The following MBNL3 variants were observed in gnomAD, a reference collection of about 807,000 sequenced individuals.
MBNL3 encodes the protein muscleblind like splicing regulator 3, also known as muscleblind-like protein 3.
MBNL3 carries 6 observed loss-of-function variants against 24.5 expected under a neutral mutation model. That is an observed-to-expected ratio of 0.25 (90% CI 0.13 to 0.48). MBNL3 has a LOEUF of 0.48. Among genes scored for constraint, MBNL3 ranks in the 20% least tolerant of loss-of-function variants. The pLI is 0.99. For synonymous variants in MBNL3, 100 were observed against 101.7 expected, an observed-to-expected ratio of 0.98 and a Z score of 0.10; for missense variants, 230 against 293.5, an observed-to-expected ratio of 0.78 and a Z score of 1.58.
intron 1 of MBNL3, among the ~76,000 whole-genome samples, chrX:132,445,949 C>G (rs1945690132): frequency 9.0e-6 from 1 of 111,113 alleles, no homozygotes; most frequent in Admixed American, 9.5e-5. Context: ...TCCCTTAGCT[C>G]CCCACCCTCC....
At chrX:132,432,046 C>A (rs980585047) in intron 2 of MBNL3, 4 of 111,418 alleles carry the variant, frequency 3.6e-5, no homozygotes, top group Non-Finnish European at 5.7e-5. Flanking sequence ...TTATTAGTGT[C>A]AGCATGACAT....
intron 3 of MBNL3, among the ~76,000 whole-genome samples, chrX:132,399,047 T>A (rs1263581262): frequency 3.6e-5 from 4 of 111,720 alleles, no homozygotes; most frequent in Non-Finnish European, 7.5e-5. Context: ...CTCATTTAAA[T>A]ACCTGTCACA....
intron 1 of MBNL3, among the ~76,000 whole-genome samples, chrX:132,474,647 A>G (rs1404520602): frequency 8.9e-6 from 1 of 111,939 alleles, no homozygotes. Flanking sequence ...GCAGCCACTC[A>G]GAACATATTC....
chrX:132,484,933 G>GCA (rs3044539), intron 1 of MBNL3, among the ~76,000 whole-genome samples: 10,020 of 102,511 alleles, frequency 0.098, 906 homozygotes, highest in African/African-American at 0.27. Context: ...ATACACACGC[G>GCA]CACACACACA....
intron 3 of MBNL3, among the ~76,000 whole-genome samples, chrX:132,405,367 C>T (rs1332042176): frequency 9.0e-6 from 1 of 111,041 alleles, no homozygotes; most frequent in Non-Finnish European, 1.9e-5. Context: ...AGAAAGATTA[C>T]ATTAATAGAA....
intron 1 of MBNL3, among the ~76,000 whole-genome samples, chrX:132,447,052 T>C (rs761797945): frequency 2.7e-4 from 30 of 111,570 alleles, no homozygotes; most frequent in Non-Finnish European, 3.8e-5. Flanking sequence ...AAAGATCAGA[T>C]GTTTGTAGAT....
chrX:132,467,702 G>A (rs1378873917), intron 1 of MBNL3, among the ~76,000 whole-genome samples: 1 of 111,911 alleles, frequency 8.9e-6, no homozygotes, highest in East Asian at 2.8e-4. Flanking sequence ...GTCGCACATA[G>A]TATAGCATCT....
chrX:132,401,736 T>C (rs371236885), intron 3 of MBNL3, among the ~76,000 whole-genome samples: 1 of 111,543 alleles, frequency 9.0e-6, no homozygotes, highest in South Asian at 3.8e-4. Context: ...TGTAGCCCTT[T>C]AGTAAAAGAG....
rs1486076727 is a variant in MBNL3 at position 132,374,319 on chromosome X, T to G, written c.*5347A>C. 9.0e-6 allele frequency: 1 copy of G among 110,676 alleles called. No individual in the cohort carries two copies. The highest frequency in any genetic ancestry group is 1.9e-5 in the Non-Finnish European group (1 of 52,736). 9.1% of individuals were successfully genotyped at this position (110,676 alleles called of 1,213,427 possible). A position where few individuals can be genotyped will look rare whatever the true frequency, so the allele number is the denominator to read the frequency against. ...GTGTGTGTGTGTGTGCACACGTGTG[T>G]GTGTGTTTATAGGGGGGATTAATTT... On this transcript the variant is annotated 3_prime_UTR_variant, in exon 9 of 9. Coordinates refer to ENST00000370853, the MANE Select transcript of MBNL3 (RefSeq NM_001386889.1).
chrX:132,405,580 C>A (rs192356414), intron 3 of MBNL3, among the ~76,000 whole-genome samples: 2,802 of 111,180 alleles, frequency 0.025, 68 homozygotes, highest in African/African-American at 0.086. Context: ...CAAAATAAAA[C>A]GTTTATTTAA....
rs753699881 is a variant in MBNL3, at chrX:132,370,493, C to T, written c.*9173G>A. On this transcript the variant is annotated 3_prime_UTR_variant, in exon 9 of 9. Transcript: ENST00000370853. ...GGAATTCCATCTCTGCACCTAAACA[C>T]TGAGATTCAATGCCTAGAAGTTTGC... 1 of 112,156 alleles carries T rather than the reference C, an allele frequency of 8.9e-6. No individual in the cohort carries two copies. The highest frequency in any genetic ancestry group is 3.2e-5 in the African/African-American group (1 of 30,922). The allele number at this position is 112,156 out of a possible 1,213,427, so 9.2% of individuals were successfully genotyped here.
chrX:132,379,619 T>C lies in MBNL3; in HGVS notation c.*47A>G. ...TACGAGAATATATATAGAAAGGCCATATGGAGGTTTCCATGGAAAGATTCT... is the reference window on the plus strand; with the variant it reads ...TACGAGAATATATATAGAAAGGCCACATGGAGGTTTCCATGGAAAGATTCT... On this transcript the variant is annotated 3_prime_UTR_variant, in exon 9 of 9. Transcript: ENST00000370853. 1 of 1,159,441 alleles carries C rather than the reference T, an allele frequency of 8.6e-7. No individual in the cohort carries two copies.
At chrX:132,415,580 TTCC>T (rs1943215568) in intron 2 of MBNL3, among the ~76,000 whole-genome samples, 1 of 111,972 alleles carries the variant, frequency 8.9e-6, no homozygotes, top group African/African-American at 3.2e-5. Flanking sequence ...TGAAAATCAG[TTCC>T]TCTTTTGTTA....
intron 1 of MBNL3, among the ~76,000 whole-genome samples, chrX:132,459,279 G>A (rs1374693063): frequency 9.1e-6 from 1 of 109,609 alleles, no homozygotes; most frequent in Non-Finnish European, 1.9e-5. Context: ...ATTAGTACAA[G>A]GCAGTGGACA....
At position 132,370,553 on chromosome X, in the gene MBNL3, A is replaced by G. The variant is rs778113820; in HGVS notation, c.*9113T>C. 1 of 112,107 alleles carries G rather than the reference A, an allele frequency of 8.9e-6. No individual in the cohort carries two copies. Among genetic ancestry groups the G allele is most frequent in the African/African-American group, 3.2e-5 (1 of 30,897 alleles). The allele number at this position is 112,107 out of a possible 1,213,427, so 9.2% of individuals were successfully genotyped here. On this transcript the variant is annotated 3_prime_UTR_variant, in exon 9 of 9. Coordinates refer to ENST00000370853, the MANE Select transcript of MBNL3 (RefSeq NM_001386889.1). ...ACATATTTCCCTTATCTATGCATGT[A>G]GGTGTCTGATATTTGCCCATTGGAA...
chrX:132,400,964 G>A (rs1940807356), intron 3 of MBNL3, among the ~76,000 whole-genome samples: 1 of 111,815 alleles, frequency 8.9e-6, no homozygotes, highest in Admixed American at 9.5e-5. Flanking sequence ...TACAAAACAT[G>A]TAATGTCACC....
At chrX:132,412,356 A>C (rs1298226501) in intron 2 of MBNL3, among the ~76,000 whole-genome samples, 1 of 111,526 alleles carries the variant, frequency 9.0e-6, no homozygotes, top group Non-Finnish European at 1.9e-5. Context: ...TCAGTTTAGA[A>C]AAAAACTGCG....
chrX:132,436,180 C>G (rs978752523), intron 2 of MBNL3, among the ~76,000 whole-genome samples: 1 of 111,697 alleles, frequency 9.0e-6, no homozygotes, highest in African/African-American at 3.3e-5. Flanking sequence ...CACAAGGCAA[C>G]AGAGTCAAAA....
chrX:132,386,848 T>C (rs1393936821), intron 5 of MBNL3, 37 bp from the exon 6 acceptor site: 1 of 1,187,697 alleles, frequency 8.4e-7, no homozygotes, highest in Non-Finnish European at 1.1e-6. Flanking sequence ...CTAGAGAAAG[T>C]AACAAATGTA....
Sources: allele counts gnomAD v4.1 joint callset (sites outside exome capture counted in the v4.1 genomes callset), GRCh38; gene constraint gnomAD v4.1.1; transcripts MANE v1.5; gene names NCBI Gene and HGNC (gene_info 2026-07-23, HGNC 2026-07-21).